Variants in COX10 observed in about 807,000 individuals in gnomAD.
COX10 encodes the protein cytochrome c oxidase assembly factor heme A:farnesyltransferase COX10.
In COX10, 27 loss-of-function variants were observed where a neutral mutation model predicts 37.3. The ratio of observed to expected loss-of-function variants is 0.72; its 90% CI spans 0.53 to 1.00. The LOEUF (loss-of-function observed/expected upper bound fraction) is 1.00. Among genes scored for constraint, COX10 ranks in the 50% least tolerant of loss-of-function variants. The pLI, the probability that COX10 is intolerant of heterozygous loss-of-function variation, is 0.00. For synonymous variants in COX10, 222 were observed against 229.1 expected (o/e 0.97, Z 0.28); for missense variants, 475 against 563.2 (o/e 0.84, Z 1.59).
intron 5 of COX10, among the ~76,000 whole-genome samples, chr17:14,169,558 A>T (rs1196426069): frequency 2.0e-5 from 3 of 152,204 alleles, no homozygotes; most frequent in African/African-American, 4.8e-5. Flanking sequence ...ATTTATAAAG[A>T]AAAGACGTTT....
intron 4 of COX10, among the ~76,000 whole-genome samples, chr17:14,117,941 G>C (rs552169092): frequency 1.3e-5 from 2 of 152,228 alleles, no homozygotes; most frequent in East Asian, 3.9e-4. Context: ...GAGCCAGAAG[G>C]GGGATGGAAT....
chr17:14,126,817 CT>C (rs923680379), intron 4 of COX10, among the ~76,000 whole-genome samples: 1 of 151,830 alleles, frequency 6.6e-6, no homozygotes, highest in African/African-American at 2.4e-5. Flanking sequence ...TAATATCTCT[CT>C]TTTTTTGCTT....
At chr17:14,108,710 A>C (rs527278252) in intron 4 of COX10, among the ~76,000 whole-genome samples, 1 of 152,264 alleles carries the variant, frequency 6.6e-6, no homozygotes, top group South Asian at 2.1e-4. Flanking sequence ...AGAGCTCTGA[A>C]TTATAGAGTA....
intron 4 of COX10, among the ~76,000 whole-genome samples, chr17:14,112,986 A>T (rs916640278): frequency 2.6e-4 from 39 of 152,274 alleles, no homozygotes; most frequent in African/African-American, 8.9e-4. Flanking sequence ...AGGTTTTGGT[A>T]ACATAATTAA....
rs563548665 is a variant in COX10 at position 14,172,512 on chromosome 17, AT to A, written c.695+12567del. 1.1e-4 allele frequency among the ~76,000 whole-genome samples: 16 copies of A among 150,490 alleles called. No homozygotes were observed. The East Asian group carries it at 3.0e-3, about 28-fold the overall frequency. ...GGTTTTAATTTTCATTCCTCTGATG[AT>A]TAGTGATGTTGAGCATTTTCTCGTA... On this transcript the variant is annotated intron_variant, in intron 5 of 6. Transcript: ENST00000261643.
chr17:14,130,825 C>A (rs1483676480), intron 4 of COX10, among the ~76,000 whole-genome samples: 2 of 151,994 alleles, frequency 1.3e-5, no homozygotes, highest in Non-Finnish European at 2.9e-5. Context: ...TTCTCCTTTG[C>A]TCTTCTTCAC....
chr17:14,190,402 G>A (rs1371153348), intron 5 of COX10, among the ~76,000 whole-genome samples: 1 of 152,178 alleles, frequency 6.6e-6, no homozygotes, highest in East Asian at 1.9e-4. Context: ...ACAGGGTTCA[G>A]AAGAGATGGC....
chr17:14,115,897 A>G (rs757689851), intron 4 of COX10, among the ~76,000 whole-genome samples: 3 of 152,196 alleles, frequency 2.0e-5, no homozygotes, highest in Non-Finnish European at 2.9e-5. Context: ...GAAAGGGTGG[A>G]TGATGAGAAA....
At chr17:14,117,581 CCTT>C (rs1171687440) in intron 4 of COX10, among the ~76,000 whole-genome samples, 2 of 152,190 alleles carry the variant, frequency 1.3e-5, no homozygotes, top group Non-Finnish European at 2.9e-5. Context: ...GTGGCTCACT[CCTT>C]CAGTAACCTG....
chr17:14,131,704 A>G (rs1916470161), intron 4 of COX10, among the ~76,000 whole-genome samples: 1 of 152,076 alleles, frequency 6.6e-6, no homozygotes. Flanking sequence ...CCCTTCAAAT[A>G]AATCATTCTC....
chr17:14,113,109 A>T (rs1313332894), intron 4 of COX10, among the ~76,000 whole-genome samples: 1 of 152,156 alleles, frequency 6.6e-6, no homozygotes, highest in Non-Finnish European at 1.5e-5. Context: ...CGTCCGAACT[A>T]CAGGATCTTC....
At chr17:14,110,457 G>A (rs552407501) in intron 4 of COX10, among the ~76,000 whole-genome samples, 1 of 152,044 alleles carries the variant, frequency 6.6e-6, no homozygotes, top group African/African-American at 2.4e-5. Context: ...TAATGGAAAT[G>A]ATACAATGTG....
intron 5 of COX10, among the ~76,000 whole-genome samples, chr17:14,170,223 C>T (rs1209954095): frequency 1.3e-5 from 2 of 152,030 alleles, no homozygotes; most frequent in African/African-American, 2.4e-5. Flanking sequence ...TGAGTAAACC[C>T]GTTTTACAAG....
chr17:14,161,689 C>G (rs903518597), intron 5 of COX10, among the ~76,000 whole-genome samples: 2 of 152,298 alleles, frequency 1.3e-5, no homozygotes. Flanking sequence ...AGAGCTGAGA[C>G]AGACTTATCT....
At chr17:14,075,272 A>G in intron 2 of COX10, among the ~76,000 whole-genome samples, 1 of 152,214 alleles carries the variant, frequency 6.6e-6, no homozygotes, top group East Asian at 1.9e-4. Flanking sequence ...TTAGAGGAGA[A>G]ATTCAAATAT....
chr17:14,098,350 G>C (rs997031998), intron 3 of COX10, among the ~76,000 whole-genome samples: 3 of 152,050 alleles, frequency 2.0e-5, no homozygotes, highest in Non-Finnish European at 2.9e-5. Context: ...GTAGAATTCT[G>C]ATACAAAAGA....
rs1906716556 is a variant in COX10, at chr17:14,206,848, T to A, written c.967T>A (p.Phe323Ile). 6.2e-7 allele frequency: 1 copy of A among 1,614,162 alleles called. No individual in the cohort carries two copies. The highest frequency in any genetic ancestry group is 8.5e-7 in the Non-Finnish European group (1 of 1,180,008). The change falls in exon 7 of 7, where the codon TTT becomes ATT. Residue 323 changes from phenylalanine (F) to isoleucine (I), a missense_variant. By Grantham distance (21) the Phe-to-Ile change is conservative. Transcript: ENST00000261643. ...LLGGILYSWQFPHFNALSWGL... is the reference protein window; with the variant it reads ...LLGGILYSWQIPHFNALSWGL... ...GGGAGGAATCCTCTACTCCTGGCAG[T>A]TTCCTCATTTCAACGCCCTGAGCTG...
At chr17:14,150,942 A>G (rs1642130077) in intron 4 of COX10, among the ~76,000 whole-genome samples, 1 of 152,216 alleles carries the variant, frequency 6.6e-6, no homozygotes, top group Non-Finnish European at 1.5e-5. Context: ...CTAAGGGTTG[A>G]TATTACTGCA....
intron 4 of COX10, among the ~76,000 whole-genome samples, chr17:14,156,194 T>G (rs2142236864): frequency 6.6e-6 from 1 of 152,304 alleles, no homozygotes; most frequent in East Asian, 1.9e-4. Context: ...GAAATTAGGT[T>G]TACTCAGGTT....
Sources: allele counts gnomAD v4.1 joint callset (sites outside exome capture counted in the v4.1 genomes callset), GRCh38; gene constraint gnomAD v4.1.1; transcripts MANE v1.5; gene names NCBI Gene and HGNC (gene_info 2026-07-23, HGNC 2026-07-21).